The following TNRC6B variants were observed in gnomAD, a reference collection of about 807,000 sequenced individuals.
The protein encoded by TNRC6B is trinucleotide repeat-containing gene 6B protein.
TNRC6B carries 52 observed loss-of-function variants against 203.6 expected under a neutral mutation model. The ratio of observed to expected loss-of-function variants is 0.26; its 90% CI spans 0.20 to 0.32. The LOEUF (loss-of-function observed/expected upper bound fraction) is 0.32. TNRC6B is among the 10% of genes least tolerant of loss of function. TNRC6B has a pLI of 1.00. For synonymous variants in TNRC6B, 838 were observed against 845.7 expected, an observed-to-expected ratio of 0.99 and a Z score of 0.16; for missense variants, 1,923 against 2,286.2, an observed-to-expected ratio of 0.84 and a Z score of 3.24.
chr22:40,045,085 G>GC (rs964357208), intron 1 of TNRC6B: 10 of 144,436 alleles, frequency 6.9e-5, no homozygotes, highest in Non-Finnish European at 1.4e-4. Flanking sequence ...CGGCGAGGGC[G>GC]CCCCCGGGGG....
At chr22:40,188,098 A>T (rs954007947) in intron 1 of TNRC6B, among the ~76,000 whole-genome samples, 5 of 152,172 alleles carry the variant, frequency 3.3e-5, no homozygotes, top group African/African-American at 9.7e-5. Context: ...AATCCCAGCC[A>T]CTTGGGAGAC....
At position 40,273,611 on chromosome 22, in the gene TNRC6B, TA is replaced by T; in HGVS notation, c.3141+12del. On this transcript the variant is annotated intron_variant, in intron 7 of 22. Coordinates refer to ENST00000454349, the MANE Select transcript of TNRC6B (RefSeq NM_001162501.2). ...AAGAAACAAATGAAGGTAGCCTGCT[TA>T]GAAATGTTCGCACTTGCTCATTCGC... 6.4e-7 allele frequency: 1 copy of T among 1,559,228 alleles called. No homozygotes were observed. Among genetic ancestry groups the T allele is most frequent in the Non-Finnish European group, 8.7e-7 (1 of 1,152,316 alleles).
At chr22:40,191,969 T>G (rs1467926572) in intron 1 of TNRC6B, among the ~76,000 whole-genome samples, 1 of 152,224 alleles carries the variant, frequency 6.6e-6, no homozygotes, top group Non-Finnish European at 1.5e-5. Context: ...CAGGCTGGTC[T>G]CAAACTCCTG....
intron 1 of TNRC6B, among the ~76,000 whole-genome samples, chr22:40,236,075 A>G (rs902880939): frequency 3.9e-5 from 6 of 152,188 alleles, no homozygotes; most frequent in Non-Finnish European, 7.3e-5. Context: ...CTATAGTACA[A>G]TGTCGCAACC....
intron 4 of TNRC6B, among the ~76,000 whole-genome samples, chr22:40,160,164 C>T (rs1038019310): frequency 6.6e-6 from 1 of 152,060 alleles, no homozygotes; most frequent in East Asian, 1.9e-4. Context: ...AATGGATATA[C>T]TACAGTCATT....
At chr22:40,158,936 C>G (rs2068844833) in intron 4 of TNRC6B, among the ~76,000 whole-genome samples, 1 of 152,088 alleles carries the variant, frequency 6.6e-6, no homozygotes, top group Admixed American at 6.6e-5. Context: ...AAATATGATT[C>G]AGTCTGGATA....
intron 1 of TNRC6B, among the ~76,000 whole-genome samples, chr22:40,194,580 A>G (rs1329691738): frequency 6.6e-6 from 1 of 152,230 alleles, no homozygotes; most frequent in African/African-American, 2.4e-5. Context: ...TCTGTATTTC[A>G]GGTAGCAGTG....
At chr22:40,110,171 G>A (rs2068320438) in intron 1 of TNRC6B, among the ~76,000 whole-genome samples, 1 of 152,166 alleles carries the variant, frequency 6.6e-6, no homozygotes, top group African/African-American at 2.4e-5. Flanking sequence ...AATTTTTAAT[G>A]TAAATTGCCA....
chr22:40,098,099 A>G (rs879575844), intron 1 of TNRC6B, among the ~76,000 whole-genome samples: 37 of 152,116 alleles, frequency 2.4e-4, no homozygotes, highest in Middle Eastern at 3.4e-3. Context: ...TAGAGGGGGA[A>G]TTGCTGCTGG....
intron 1 of TNRC6B, among the ~76,000 whole-genome samples, chr22:40,211,369 A>C (rs1339226885): frequency 1.5e-5 from 2 of 132,756 alleles, no homozygotes; most frequent in Non-Finnish European, 3.1e-5. Flanking sequence ...ATGAGCCACC[A>C]TGCCCGGCCT....
intron 12 of TNRC6B, among the ~76,000 whole-genome samples, chr22:40,289,928 A>C (rs1778612507): frequency 6.6e-6 from 1 of 152,206 alleles, no homozygotes; most frequent in South Asian, 2.1e-4. Context: ...GTTCAGGCCA[A>C]AAACCTTGGA....
chr22:40,287,032 A>G (rs1383640914), intron 12 of TNRC6B, among the ~76,000 whole-genome samples: 1 of 152,142 alleles, frequency 6.6e-6, no homozygotes, highest in Non-Finnish European at 1.5e-5. Context: ...TTTTGGAGGT[A>G]GAGTCTCACT....
intron 1 of TNRC6B, among the ~76,000 whole-genome samples, chr22:40,046,154 A>G (rs2067685636): frequency 6.6e-6 from 1 of 152,240 alleles, no homozygotes; most frequent in African/African-American, 2.4e-5. Context: ...TTACTAATAG[A>G]GGTTACTTCT....
chr22:40,138,739 G>T (rs1277372032), intron 3 of TNRC6B, among the ~76,000 whole-genome samples: 1 of 152,090 alleles, frequency 6.6e-6, no homozygotes, highest in Non-Finnish European at 1.5e-5. Context: ...GATGAGAAAA[G>T]GCTCAAGTAT....
intron 1 of TNRC6B, among the ~76,000 whole-genome samples, chr22:40,235,839 TA>T (rs1569032492): frequency 6.6e-6 from 1 of 152,226 alleles, no homozygotes; most frequent in Non-Finnish European, 1.5e-5. Context: ...ATGTGGGGAC[TA>T]AATGATTTCT....
chr22:40,218,892 T>C (rs2069672134), intron 1 of TNRC6B, among the ~76,000 whole-genome samples: 1 of 152,232 alleles, frequency 6.6e-6, no homozygotes, highest in South Asian at 2.1e-4. Context: ...GAATGTTGGC[T>C]TGATCCTGAT....
chr22:40,139,441 C>T (rs2068627492), intron 3 of TNRC6B, among the ~76,000 whole-genome samples: 1 of 151,236 alleles, frequency 6.6e-6, no homozygotes, highest in Admixed American at 6.6e-5. Context: ...CAGTGATTCT[C>T]CTGCCTCACC....
rs139920 is a variant in TNRC6B, at chr22:40,330,745, C to T, written c.*7504C>T. ...TGCCTTTGTGAGTACAGAGACCGTC[C>T]GTTCTAGGAAGAAGCTATCCGTTGG... is the stretch of plus-strand genomic sequence containing the variant. On this transcript the variant is annotated 3_prime_UTR_variant, in exon 23 of 23. Transcript: ENST00000454349. The T allele has an allele frequency of 0.63, 96,040 of 152,518 alleles. 32,779 individuals are homozygous for T. Among genetic ancestry groups the T allele is most frequent in the African/African-American group, 0.9 (37,468 of 41,514 alleles). The allele number at this position is 152,518 out of a possible 1,614,324, so 9.4% of individuals were successfully genotyped here.
intron 1 of TNRC6B, among the ~76,000 whole-genome samples, chr22:40,201,199 T>TA (rs1569018572): frequency 6.6e-6 from 1 of 152,062 alleles, no homozygotes; most frequent in Non-Finnish European, 1.5e-5. Flanking sequence ...TTAGAATCTT[T>TA]AAAAAAAATT....
Sources: gnomAD v4.1 joint callset for allele counts (sites outside exome capture counted in the v4.1 genomes callset) on GRCh38, gnomAD v4.1.1 for gene constraint, MANE v1.5 for transcripts, NCBI Gene and HGNC (gene_info 2026-07-23, HGNC 2026-07-21) for gene names.